MYO1B: variants seen among roughly 807,000 people sequenced by gnomAD.
MYO1B encodes unconventional myosin-Ib.
In MYO1B, 72 loss-of-function variants were observed where a neutral mutation model predicts 159.7. That is an observed-to-expected ratio of 0.45 (90% CI 0.37 to 0.55). The LOEUF (loss-of-function observed/expected upper bound fraction) is 0.55, where lower values mean the gene tolerates loss of function less well. MYO1B is among the 20% of genes least tolerant of loss of function. The pLI is 0.00. For synonymous variants in MYO1B, 468 were observed against 473.8 expected (o/e 0.99, Z 0.16); for missense variants, 1,062 against 1,364.8 (o/e 0.78, Z 3.50).
intron 17 of MYO1B, 70 bp downstream of exon 17, chr2:191,387,520 T>A: frequency 7.2e-7 from 1 of 1,390,278 alleles, no homozygotes; most frequent in Admixed American, 1.7e-5. Flanking sequence ...ATTTTTCCCT[T>A]TGCTTCAATC....
At chr2:191,354,152 A>G (rs1693108936) in intron 7 of MYO1B, among the ~76,000 whole-genome samples, 1 of 152,010 alleles carries the variant, frequency 6.6e-6, no homozygotes, top group African/African-American at 2.4e-5. Flanking sequence ...GCCACTCGGG[A>G]GGCTGAGGCA....
chr2:191,303,385 T>C (rs1362899913), intron 3 of MYO1B, among the ~76,000 whole-genome samples: 1 of 152,170 alleles, frequency 6.6e-6, no homozygotes, highest in Non-Finnish European at 1.5e-5. Context: ...ATTTTACTTT[T>C]GGAATAGTTG....
At chr2:191,294,285 C>T (rs915632968) in intron 2 of MYO1B, among the ~76,000 whole-genome samples, 3 of 152,166 alleles carry the variant, frequency 2.0e-5, no homozygotes, top group African/African-American at 7.2e-5. Context: ...TTTTAAAGAG[C>T]AACTCAGTAA....
intron 20 of MYO1B, among the ~76,000 whole-genome samples, chr2:191,394,246 T>C (rs1695932819): frequency 6.6e-6 from 1 of 152,146 alleles, no homozygotes; most frequent in Admixed American, 6.5e-5. Context: ...CAGAGGCACT[T>C]TGGACTGTTG....
At chr2:191,401,123 TC>T (rs1320013624) in intron 23 of MYO1B, among the ~76,000 whole-genome samples, 3 of 151,186 alleles carry the variant, frequency 2.0e-5, no homozygotes, top group African/African-American at 7.3e-5. Context: ...ATGTTTAGGT[TC>T]CCCCCCGCCC....
At chr2:191,313,801 G>A (rs1304775443) in intron 3 of MYO1B, among the ~76,000 whole-genome samples, 3 of 152,174 alleles carry the variant, frequency 2.0e-5, no homozygotes, top group Non-Finnish European at 4.4e-5. Context: ...TTACAGATGT[G>A]ATCCACTGTG....
chr2:191,412,442 A>T (rs1295732426), intron 27 of MYO1B, among the ~76,000 whole-genome samples: 1 of 152,226 alleles, frequency 6.6e-6, no homozygotes, highest in Non-Finnish European at 1.5e-5. Flanking sequence ...AGTTAACTTC[A>T]AGCCAAGTCC....
rs1559245755 is a variant in MYO1B at position 191,411,089 on chromosome 2, C to G, written c.2790C>G (p.Phe930Leu). Residue 930 changes from phenylalanine to leucine, a missense_variant, in exon 27 of 31, where the codon TTC (phenylalanine) becomes TTG (leucine). Physicochemically the swap from Phe to Leu is conservative, Grantham distance 22. This residue lies in a region of MYO1B where 609 missense variants were observed against 744.4 expected (regional missense o/e 0.82). Transcript: ENST00000392318. ...LWRCKKYRDQFTDQQKLIYEE... is the reference protein window; with the variant it reads ...LWRCKKYRDQLTDQQKLIYEE... ...AGTGTAAAAAATACAGGGACCAATTCACAGACCAGCAGAAACTTATTTATG... is the reference window on the plus strand; with the variant it reads ...AGTGTAAAAAATACAGGGACCAATTGACAGACCAGCAGAAACTTATTTATG... 6.2e-7 allele frequency: 1 copy of G among 1,609,710 alleles called. No individual in the cohort carries two copies. The highest frequency in any genetic ancestry group is 2.2e-5 in the East Asian group (1 of 44,700).
intron 21 of MYO1B, among the ~76,000 whole-genome samples, chr2:191,398,754 C>T (rs1369137284): frequency 6.6e-6 from 1 of 151,502 alleles, no homozygotes; most frequent in African/African-American, 2.4e-5. Context: ...GGATGGCGGC[C>T]GGGCAGAGAC....
At chr2:191,302,971 C>T (rs995583147) in intron 3 of MYO1B, among the ~76,000 whole-genome samples, 1 of 152,098 alleles carries the variant, frequency 6.6e-6, no homozygotes, top group African/African-American at 2.4e-5. Context: ...GATCACATAC[C>T]GTTGCCCATG....
intron 19 of MYO1B, 43 bp downstream of exon 19, chr2:191,392,244 C>T (rs763704648): frequency 1.8e-5 from 26 of 1,438,154 alleles, no homozygotes; most frequent in South Asian, 1.3e-4. Flanking sequence ...AAGTTGGAAT[C>T]GTATAGGAAA....
At chr2:191,419,077 C>G (rs1389262230) in intron 30 of MYO1B, among the ~76,000 whole-genome samples, 1 of 152,264 alleles carries the variant, frequency 6.6e-6, no homozygotes, top group African/African-American at 2.4e-5. Context: ...GTGCAAGGCA[C>G]TACTCACATG....
chr2:191,280,593 C>T (rs2125757130), intron 2 of MYO1B, among the ~76,000 whole-genome samples: 2 of 152,290 alleles, frequency 1.3e-5, no homozygotes, highest in African/African-American at 4.8e-5. Flanking sequence ...GAGTCACACT[C>T]CCTTCTCAAA....
intron 4 of MYO1B, 22 bp from the exon 5 acceptor site, chr2:191,341,439 T>C: frequency 6.3e-7 from 1 of 1,599,714 alleles, no homozygotes; most frequent in Non-Finnish European, 8.5e-7. Flanking sequence ...TATTGATTAA[T>C]ATGGCTTATT....
At chr2:191,282,193 T>G (rs1402674346) in intron 2 of MYO1B, among the ~76,000 whole-genome samples, 2 of 152,236 alleles carry the variant, frequency 1.3e-5, no homozygotes, top group African/African-American at 4.8e-5. Flanking sequence ...TAGTTTTCTC[T>G]TGCTACAAAA....
At chr2:191,378,533 A>G (rs768094855) in intron 13 of MYO1B, among the ~76,000 whole-genome samples, 17 of 152,128 alleles carry the variant, frequency 1.1e-4, no homozygotes, top group Non-Finnish European at 2.1e-4. Flanking sequence ...AATAAATCAC[A>G]ATGGTGGAAT....
Position 191,374,655 on chromosome 2 carries a change from C to T in MYO1B, c.1185+4363C>T, listed in dbSNP as rs146056324. On this transcript the variant is annotated intron_variant, in intron 13 of 30. Coordinates refer to ENST00000392318, the MANE Select transcript of MYO1B (RefSeq NM_001130158.3). ...GCTGCCTGGCTGGCCACATGTGATC[C>T]GATGTCAGTTTGGAAAATAGATCAG... is the stretch of plus-strand genomic sequence containing the variant. 3.1e-3 allele frequency among the ~76,000 whole-genome samples: 467 copies of T among 152,090 alleles called. 2 individuals are homozygous for T. Among genetic ancestry groups the T allele is most frequent in the African/African-American group, 0.011 (445 of 41,488 alleles).
chr2:191,329,449 G>T (rs923732740), intron 3 of MYO1B, among the ~76,000 whole-genome samples: 2 of 151,828 alleles, frequency 1.3e-5, no homozygotes, highest in Non-Finnish European at 2.9e-5. Flanking sequence ...TGAAACTTCA[G>T]TGTATGGTCC....
At chr2:191,415,636 T>A (rs1339022776) in intron 29 of MYO1B, among the ~76,000 whole-genome samples, 1 of 152,018 alleles carries the variant, frequency 6.6e-6, no homozygotes, top group Non-Finnish European at 1.5e-5. Context: ...GATGATTCCC[T>A]TGCACAGCTA....
Sources: gnomAD v4.1 joint callset for allele counts (sites outside exome capture counted in the v4.1 genomes callset) on GRCh38, gnomAD v4.1.1 for gene constraint, gnomAD v4.1.1 regional missense constraint, MANE v1.5 for transcripts, NCBI Gene and HGNC (gene_info 2026-07-23, HGNC 2026-07-21) for gene names.